The following PACRG variants were observed in gnomAD, a reference collection of about 807,000 sequenced individuals.
PACRG encodes parkin coregulated, also known as parkin coregulated gene protein.
Under a neutral mutation model 29.7 loss-of-function variants are expected in PACRG, and 29 were observed. That is an observed-to-expected ratio of 0.98 (90% CI 0.73 to 1.33). PACRG has a LOEUF of 1.33. Among genes scored for constraint, PACRG ranks in the 40% most tolerant of loss-of-function variants. The pLI, the probability that PACRG is intolerant of heterozygous loss-of-function variation, is 0.00. For synonymous variants in PACRG, 116 were observed against 118.7 expected (o/e 0.98, Z 0.15); for missense variants, 279 against 316.2 (o/e 0.88, Z 0.89).
At chr6:163,257,265 A>G (rs937240566) in intron 4 of PACRG, among the ~76,000 whole-genome samples, 17 of 152,044 alleles carry the variant, frequency 1.1e-4, no homozygotes, top group African/African-American at 3.6e-4. Context: ...GTCTTTGAAC[A>G]CAACAGGGCA....
At position 163,040,857 on chromosome 6, in the gene PACRG, T is replaced by C. The variant is rs576404576; in HGVS notation, c.292-21293T>C. Among the ~76,000 whole-genome samples the C allele has an allele frequency of 3.9e-5, 6 of 152,334 alleles. No individual in the cohort carries two copies. In the East Asian group the frequency reaches 9.6e-4, roughly 24 times the overall value. On this transcript the variant is annotated intron_variant, in intron 2 of 4. Transcript: ENST00000366888. The stretch of plus-strand genomic sequence containing the variant: ...GCTCATAGGTGGAAGGTACTTGCCT[T>C]TTTTCAGATGAGACTTTGGACTTGG...
rs565403325 is a variant in PACRG at position 163,201,907 on chromosome 6, G to T, written c.613+112499G>T. ...GAGAGACCTGCCTTCCTCACACGGT[G>T]GTGGCCAACCTCGACGTTAGATTTG... is the stretch of plus-strand genomic sequence containing the variant. On this transcript the variant is annotated intron_variant, in intron 4 of 4. Coordinates refer to ENST00000366888, the MANE Select transcript of PACRG (RefSeq NM_001080379.2). Among the ~76,000 whole-genome samples the T allele has an allele frequency of 2.5e-3, 374 of 152,336 alleles. 3 individuals carry two copies. Among genetic ancestry groups the T allele is most frequent in the African/African-American group, 8.7e-3 (360 of 41,578 alleles).
At chr6:163,172,675 C>T (rs1036551939) in intron 4 of PACRG, among the ~76,000 whole-genome samples, 6 of 152,196 alleles carry the variant, frequency 3.9e-5, no homozygotes, top group Admixed American at 6.5e-5. Flanking sequence ...GAGCTGGGCT[C>T]AGGACACTGT....
At chr6:162,877,868 C>T (rs1007421635) in intron 2 of PACRG, among the ~76,000 whole-genome samples, 2 of 152,056 alleles carry the variant, frequency 1.3e-5, no homozygotes, top group African/African-American at 4.8e-5. Flanking sequence ...ATGGTCTTTC[C>T]CTTTATAGAA....
chr6:163,098,813 G>A (rs988293661), intron 4 of PACRG, among the ~76,000 whole-genome samples: 8 of 152,156 alleles, frequency 5.3e-5, no homozygotes, highest in East Asian at 3.9e-4. Flanking sequence ...GCTAAACAAC[G>A]GGCGGATTAT....
intron 2 of PACRG, among the ~76,000 whole-genome samples, chr6:162,990,732 C>G (rs1803380570): frequency 7.3e-6 from 1 of 136,676 alleles, no homozygotes; most frequent in Non-Finnish European, 1.5e-5. Flanking sequence ...TGCAGAAGCT[C>G]TTTAGTTTAA....
chr6:163,232,817 AC>A (rs1456539531), intron 4 of PACRG, among the ~76,000 whole-genome samples: 3 of 151,824 alleles, frequency 2.0e-5, no homozygotes, highest in South Asian at 4.2e-4. Flanking sequence ...CGCCTCACCT[AC>A]CCCCCAGCTC....
rs1356078628 is a variant in PACRG, at chr6:162,728,388, A to G, written c.153A>G (p.Ser51=). ...CAGTCAAAGCCATGATGAAAAACTC[A>G]GTCGTAAGTGATCTTCCTGAATTAA... ...GFTVKAMMKN[S]VVRGPPAAGA... Residue 51 remains serine (S), a synonymous_variant, in exon 1 of 5, where the codon TCA becomes TCG. Coordinates refer to ENST00000366888, the MANE Select transcript of PACRG (RefSeq NM_001080379.2). The G allele has an allele frequency of 1.9e-6, 3 of 1,611,488 alleles. No homozygotes were observed. The highest frequency in any genetic ancestry group is 2.2e-5 in the East Asian group (1 of 44,866).
intron 2 of PACRG, among the ~76,000 whole-genome samples, chr6:162,848,590 T>G (rs1170445728): frequency 2.6e-5 from 4 of 152,260 alleles, no homozygotes; most frequent in African/African-American, 9.6e-5. Context: ...GTAGCTACCT[T>G]TATTCTTTCA....
chr6:162,782,031 A>G (rs1007322811), intron 1 of PACRG, among the ~76,000 whole-genome samples: 22 of 151,988 alleles, frequency 1.4e-4, no homozygotes, highest in African/African-American at 5.1e-4. Flanking sequence ...AACCCACATC[A>G]ACTATAAAGG....
At chr6:163,000,920 T>G (rs2128197994) in intron 2 of PACRG, among the ~76,000 whole-genome samples, 1 of 152,274 alleles carries the variant, frequency 6.6e-6, no homozygotes, top group Non-Finnish European at 1.5e-5. Context: ...CCTGAAACAC[T>G]TAGGGAGCTC....
intron 4 of PACRG, among the ~76,000 whole-genome samples, chr6:163,260,274 A>T (rs1334154137): frequency 6.6e-6 from 1 of 152,100 alleles, no homozygotes; most frequent in Non-Finnish European, 1.5e-5. Context: ...TCTGACGCCA[A>T]CCCGGCCGCT....
chr6:163,257,044 G>A (rs182799378), intron 4 of PACRG, among the ~76,000 whole-genome samples: 79 of 152,040 alleles, frequency 5.2e-4, no homozygotes, highest in Admixed American at 1.6e-3. Context: ...GTGTCTCGGC[G>A]TCTCTGCCTA....
chr6:162,956,144 G>A (rs1800014380), intron 2 of PACRG, among the ~76,000 whole-genome samples: 1 of 152,174 alleles, frequency 6.6e-6, no homozygotes, highest in East Asian at 1.9e-4. Flanking sequence ...GCAAGGCGGT[G>A]CCAGTTAAAT....
chr6:162,934,407 T>C (rs1798091546), intron 2 of PACRG, among the ~76,000 whole-genome samples: 1 of 152,196 alleles, frequency 6.6e-6, no homozygotes. Flanking sequence ...GGGGATCAAA[T>C]TTATACTTGA....
intron 1 of PACRG, among the ~76,000 whole-genome samples, chr6:162,776,822 C>T (rs988095602): frequency 6.6e-6 from 1 of 152,176 alleles, no homozygotes; most frequent in African/African-American, 2.4e-5. Flanking sequence ...GCTAAGTACT[C>T]AGGTAAAAAT....
At chr6:162,756,490 T>C (rs79388475) in intron 1 of PACRG, among the ~76,000 whole-genome samples, 1 of 152,308 alleles carries the variant, frequency 6.6e-6, no homozygotes, top group East Asian at 1.9e-4. Flanking sequence ...TATATTTGCA[T>C]GAAATATCTT....
chr6:162,736,840 T>C (rs1307721136), intron 1 of PACRG, among the ~76,000 whole-genome samples: 2 of 152,174 alleles, frequency 1.3e-5, no homozygotes, highest in Non-Finnish European at 2.9e-5. Flanking sequence ...GGATTCCTTC[T>C]AATATGCTAA....
chr6:163,273,322 C>T (rs1783909802), intron 4 of PACRG, among the ~76,000 whole-genome samples: 1 of 151,938 alleles, frequency 6.6e-6, no homozygotes, highest in Non-Finnish European at 1.5e-5. Context: ...ATACTTCCTC[C>T]AGAGAAAAAA....
Sources: gnomAD v4.1 joint callset for allele counts (sites outside exome capture counted in the v4.1 genomes callset) on GRCh38, gnomAD v4.1.1 for gene constraint, MANE v1.5 for transcripts, NCBI Gene and HGNC (gene_info 2026-07-23, HGNC 2026-07-21) for gene names.